The following LCOR variants were observed in gnomAD, a reference collection of about 807,000 sequenced individuals.
The protein encoded by LCOR is ligand-dependent corepressor.
A neutral mutation model predicts 64.4 loss-of-function variants in LCOR; 14 were observed. The ratio of observed to expected loss-of-function variants is 0.22; its 90% CI spans 0.14 to 0.34. The LOEUF (loss-of-function observed/expected upper bound fraction) is 0.34, where lower values mean the gene tolerates loss of function less well. Among genes scored for constraint, LCOR ranks in the 10% least tolerant of loss-of-function variants. LCOR has a pLI of 1.00. For missense variants in LCOR, 1,686 were observed against 1,765.3 expected (o/e 0.96, Z 0.80); for synonymous variants, 643 against 642.5 (o/e 1.00, Z -0.01).
chr10:96,958,390 A>G lies in LCOR; in HGVS notation c.332+6194A>G, dbSNP rs1228967514. On this transcript the variant is annotated intron_variant, in intron 7 of 7. Transcript: ENST00000421806. Reference sequence around the variant, plus strand: ...TGGAGTGATCATTTTACTAACATAAATATTTTCTATGTGTGTTTCAGTGGA... The same window carrying G: ...TGGAGTGATCATTTTACTAACATAAGTATTTTCTATGTGTGTTTCAGTGGA... The G allele has an allele frequency of 2.0e-6, 3 of 1,524,850 alleles. No homozygotes were observed. The Admixed American group carries it at 5.9e-5, about 30-fold the overall frequency. 94.5% of individuals were successfully genotyped at this position (1,524,850 alleles called of 1,614,324 possible). A position where few individuals can be genotyped will look rare whatever the true frequency, so the allele number is the denominator to read the frequency against.
At chr10:96,889,470 C>T (rs1056337254) in intron 2 of LCOR, among the ~76,000 whole-genome samples, 1 of 152,184 alleles carries the variant, frequency 6.6e-6, no homozygotes, top group Non-Finnish European at 1.5e-5. Context: ...TTGTAGGTAG[C>T]TACCTTCTCA....
intron 2 of LCOR, among the ~76,000 whole-genome samples, chr10:96,842,632 CTTTTTTTTT>C (rs976571447): frequency 2.2e-5 from 3 of 134,382 alleles, no homozygotes; most frequent in Non-Finnish European, 4.9e-5. Flanking sequence ...CTTTTCTTTT[CTTTTTTTTT>C]TTTTTTTGAG....
intron 4 of LCOR, among the ~76,000 whole-genome samples, chr10:96,933,930 A>T (rs1229895361): frequency 6.6e-6 from 1 of 152,178 alleles, no homozygotes; most frequent in Non-Finnish European, 1.5e-5. Context: ...CTTCTGACTC[A>T]ACAATTTACA....
At chr10:96,837,720 G>A (rs1017390725) in intron 2 of LCOR, among the ~76,000 whole-genome samples, 4 of 152,180 alleles carry the variant, frequency 2.6e-5, no homozygotes, top group African/African-American at 9.7e-5. Flanking sequence ...AGTTGGAGTT[G>A]GTATTTGGAA....
chr10:96,835,766 A>G (rs146469082), intron 2 of LCOR, among the ~76,000 whole-genome samples: 30 of 152,246 alleles, frequency 2.0e-4, no homozygotes, highest in Non-Finnish European at 3.5e-4. Flanking sequence ...TCTCCCTTCT[A>G]TTAGTACTTT....
At chr10:96,861,801 G>A (rs186332477) in intron 2 of LCOR, among the ~76,000 whole-genome samples, 1 of 152,240 alleles carries the variant, frequency 6.6e-6, no homozygotes, top group Non-Finnish European at 1.5e-5. Context: ...CAAAGTGCTG[G>A]GATTGCAGGT....
chr10:96,910,166 A>G (rs1265317478), intron 4 of LCOR, among the ~76,000 whole-genome samples: 1 of 152,178 alleles, frequency 6.6e-6, no homozygotes, highest in Non-Finnish European at 1.5e-5. Context: ...CCAAGTAGCT[A>G]GGACTACAGG....
Position 96,984,723 on chromosome 10 carries a change from A to G in LCOR, c.4263A>G (p.Lys1421=). Reference sequence around the variant, plus strand: ...AGGGGCCTACGGTGAAAGCCAGCAAAGAAAAGCATGCTGATGGAGCCACCA... The same window carrying G: ...AGGGGCCTACGGTGAAAGCCAGCAAGGAAAAGCATGCTGATGGAGCCACCA... ...KNKGPTVKAS[K]EKHADGATKT... Residue 1421 remains lysine (K), a synonymous_variant, in exon 8 of 8, where the codon AAA becomes AAG. Coordinates refer to ENST00000421806, the MANE Select transcript of LCOR (RefSeq NM_001346516.2). 8 of 1,613,940 alleles carry G rather than the reference A, an allele frequency of 5.0e-6. No homozygotes were observed. The highest frequency in any genetic ancestry group is 6.8e-6 in the Non-Finnish European group (8 of 1,179,990).
At chr10:96,922,215 GT>G (rs922787363) in intron 4 of LCOR, among the ~76,000 whole-genome samples, 2 of 148,666 alleles carry the variant, frequency 1.3e-5, no homozygotes, top group African/African-American at 4.9e-5. Flanking sequence ...AATTTCCTAA[GT>G]TTTTTTTTTC....
At chr10:96,954,984 G>A in intron 7 of LCOR, 1 of 1,614,086 alleles carries the variant, frequency 6.2e-7, no homozygotes, top group Non-Finnish European at 8.5e-7. Flanking sequence ...GTACCGCCCA[G>A]ACGGACTTCG....
intron 2 of LCOR, among the ~76,000 whole-genome samples, chr10:96,886,424 T>G (rs1189968230): frequency 2.6e-5 from 4 of 152,230 alleles, no homozygotes; most frequent in African/African-American, 9.6e-5. Context: ...TAAAAAAGTT[T>G]CAGATTTTGG....
At chr10:96,955,714 A>C in intron 7 of LCOR, 1 of 1,614,216 alleles carries the variant, frequency 6.2e-7, no homozygotes, top group Non-Finnish European at 8.5e-7. Flanking sequence ...ATGAGTGGAA[A>C]AATGAGTGTT....
chr10:96,968,937 C>CAA lies in LCOR; in HGVS notation c.333-11844_333-11843dup, dbSNP rs146079321. The stretch of plus-strand genomic sequence containing the variant: ...GTGACTAAGTAAGAGATCCTGTCTC[C>CAA]AAAAAAAAAAAAATTCAGCGTTTTC... On this transcript the variant is annotated intron_variant, in intron 7 of 7. Coordinates refer to ENST00000421806, the MANE Select transcript of LCOR (RefSeq NM_001346516.2). Among the ~76,000 whole-genome samples the CAA allele has an allele frequency of 7.3e-4, 102 of 140,306 alleles. 1 individual carries two copies. Among genetic ancestry groups the CAA allele is most frequent in the African/African-American group, 2.4e-3 (92 of 38,416 alleles). 92.0% of individuals were successfully genotyped at this position (140,306 alleles called of 152,430 possible).
chr10:96,969,946 A>ATTTTTT (rs751045855), intron 7 of LCOR, among the ~76,000 whole-genome samples: 1 of 67,732 alleles, frequency 1.5e-5, no homozygotes, highest in Non-Finnish European at 2.5e-5. Flanking sequence ...CACCTGGATA[A>ATTTTTT]TTTTTTTTTT....
At chr10:96,961,789 C>G (rs1199096794) in intron 7 of LCOR, 1 of 151,832 alleles carries the variant, frequency 6.6e-6, no homozygotes, top group African/African-American at 2.4e-5. Context: ...GAATTTCAAT[C>G]TAGAATATTT....
chr10:96,920,679 CAT>C (rs1356384878), intron 4 of LCOR, among the ~76,000 whole-genome samples: 4 of 116,070 alleles, frequency 3.4e-5, no homozygotes, highest in East Asian at 2.2e-4. Flanking sequence ...TGTATATATT[CAT>C]ATATGTGTAT....
rs114484132 is a variant in LCOR, at chr10:96,934,538, T to C, written c.-183-9575T>C. ...GCCAGCCAATCTAGGTGGCCCAGTCTCTGCATCCTGAAGGAAGCAACTCCT... is the reference window on the plus strand; with the variant it reads ...GCCAGCCAATCTAGGTGGCCCAGTCCCTGCATCCTGAAGGAAGCAACTCCT... On this transcript the variant is annotated intron_variant, in intron 4 of 7. Transcript: ENST00000421806. 6.7e-3 allele frequency among the ~76,000 whole-genome samples: 1,021 copies of C among 152,324 alleles called. 12 individuals carry two copies. The highest frequency in any genetic ancestry group is 0.023 in the African/African-American group (971 of 41,556).
chr10:96,916,586 G>GATATATATATAT lies in LCOR; in HGVS notation c.-184+8839_-184+8840insATATATATATAT, dbSNP rs1436649113. Among the ~76,000 whole-genome samples, 7 of 129,096 alleles carry GATATATATATAT rather than the reference G, an allele frequency of 5.4e-5. No individual in the cohort carries two copies. The South Asian group carries it at 1.2e-3, about 23-fold the overall frequency. The allele number at this position is 129,096 out of a possible 152,430, so 84.7% of individuals were successfully genotyped here. A position where few individuals can be genotyped will look rare whatever the true frequency, so the allele number is the denominator to read the frequency against. On this transcript the variant is annotated intron_variant, in intron 4 of 7. Coordinates refer to ENST00000421806, the MANE Select transcript of LCOR (RefSeq NM_001346516.2). ...AGAAACACATATGAGATATTTAAAG[G>GATATATATATAT]CTATATATATATATATATATCTATA... is the stretch of plus-strand genomic sequence containing the variant.
chr10:96,874,269 T>G (rs1416083795), intron 2 of LCOR, among the ~76,000 whole-genome samples: 3 of 152,238 alleles, frequency 2.0e-5, no homozygotes, highest in Non-Finnish European at 2.9e-5. Context: ...TTAAAGATTC[T>G]TCTGATTCTT....
Sources: gnomAD v4.1 joint callset for allele counts (sites outside exome capture counted in the v4.1 genomes callset) on GRCh38, gnomAD v4.1.1 for gene constraint, MANE v1.5 for transcripts, NCBI Gene and HGNC (gene_info 2026-07-23, HGNC 2026-07-21) for gene names.